The following ASAP1 variants were observed in gnomAD, a reference collection of about 807,000 sequenced individuals.
ASAP1 encodes ArfGAP with SH3 domain, ankyrin repeat and PH domain 1, also known as arf-GAP with SH3 domain, ANK repeat and PH domain-containing protein 1.
A neutral mutation model predicts 145.2 loss-of-function variants in ASAP1; 43 were observed. The ratio of observed to expected loss-of-function variants is 0.30; its 90% CI spans 0.23 to 0.38. The LOEUF (loss-of-function observed/expected upper bound fraction) is 0.38. ASAP1 is among the 10% of genes least tolerant of loss of function. The pLI is 1.00. For synonymous variants in ASAP1, 546 were observed against 515.5 expected, an observed-to-expected ratio of 1.06 and a Z score of -0.80; for missense variants, 1,018 against 1,355.3, an observed-to-expected ratio of 0.75 and a Z score of 3.91.
At chr8:130,380,884 C>CTTTA (rs1041062313) in intron 2 of ASAP1, among the ~76,000 whole-genome samples, 4 of 151,822 alleles carry the variant, frequency 2.6e-5, no homozygotes, top group Admixed American at 6.6e-5. Flanking sequence ...CACCTGGCTA[C>CTTTA]TTTATTTATT....
chr8:130,411,612 A>G (rs1370067256), intron 1 of ASAP1, among the ~76,000 whole-genome samples: 1 of 152,220 alleles, frequency 6.6e-6, no homozygotes, highest in African/African-American at 2.4e-5. Context: ...ACCCTAAGAC[A>G]GGGATGATGA....
At chr8:130,274,701 G>A (rs1376280747) in intron 3 of ASAP1, among the ~76,000 whole-genome samples, 2 of 152,160 alleles carry the variant, frequency 1.3e-5, no homozygotes, top group East Asian at 1.9e-4. Context: ...TTGGAAGCAC[G>A]GACTTCTTTT....
At chr8:130,442,064 C>A (rs774508298) in intron 1 of ASAP1, among the ~76,000 whole-genome samples, 2 of 152,206 alleles carry the variant, frequency 1.3e-5, no homozygotes, top group Non-Finnish European at 2.9e-5. Flanking sequence ...TCCAAATCCA[C>A]TTAGTGGCGT....
intron 3 of ASAP1, among the ~76,000 whole-genome samples, chr8:130,340,492 G>A (rs972938431): frequency 6.6e-6 from 1 of 152,210 alleles, no homozygotes; most frequent in Non-Finnish European, 1.5e-5. Flanking sequence ...AAGGGCAGAA[G>A]CAGATATTAA....
At chr8:130,338,711 CTGGTTT>C (rs1367455747) in intron 3 of ASAP1, among the ~76,000 whole-genome samples, 1 of 152,184 alleles carries the variant, frequency 6.6e-6, no homozygotes, top group African/African-American at 2.4e-5. Context: ...ATCTGTGGGC[CTGGTTT>C]CCTCAGCTGA....
chr8:130,220,004 G>A (rs934231280), intron 4 of ASAP1, among the ~76,000 whole-genome samples: 10 of 152,208 alleles, frequency 6.6e-5, no homozygotes, highest in African/African-American at 1.4e-4. Flanking sequence ...GCCCAGGCTC[G>A]TCTCCAACTC....
At chr8:130,429,475 G>A (rs1830062461) in intron 1 of ASAP1, among the ~76,000 whole-genome samples, 1 of 152,164 alleles carries the variant, frequency 6.6e-6, no homozygotes, top group African/African-American at 2.4e-5. Context: ...AAGGCTCAAA[G>A]AGGTTTGAAA....
At chr8:130,101,350 G>A (rs368999901) in intron 24 of ASAP1, among the ~76,000 whole-genome samples, 3 of 152,032 alleles carry the variant, frequency 2.0e-5, no homozygotes, top group East Asian at 1.9e-4. Context: ...AGATTGCATC[G>A]AATCTGTAGA....
At chr8:130,428,968 CAGAG>C (rs1830046399) in intron 1 of ASAP1, among the ~76,000 whole-genome samples, 1 of 152,214 alleles carries the variant, frequency 6.6e-6, no homozygotes, top group South Asian at 2.1e-4. Context: ...CGGTTCTTCT[CAGAG>C]AGAATCCTTC....
Position 130,241,080 on chromosome 8 carries a change from G to C in ASAP1, c.187-4086C>G, listed in dbSNP as rs553842214. Reference sequence around the variant, plus strand: ...TCAGTCACAGCAGAGTGTAAGAGCAGATGTTCTCAGAGACGCGTATGAATC... The same window carrying C: ...TCAGTCACAGCAGAGTGTAAGAGCACATGTTCTCAGAGACGCGTATGAATC... On this transcript the variant is annotated intron_variant, in intron 3 of 29. Transcript: ENST00000518721. 5.9e-5 allele frequency among the ~76,000 whole-genome samples: 9 copies of C among 152,256 alleles called. No homozygotes were observed. The South Asian group carries it at 1.9e-3, about 32-fold the overall frequency.
intron 2 of ASAP1, among the ~76,000 whole-genome samples, chr8:130,385,847 G>A (rs1027529954): frequency 2.6e-5 from 4 of 152,160 alleles, no homozygotes; most frequent in African/African-American, 9.7e-5. Context: ...TACTCCTGCC[G>A]GTGAATGCAT....
intron 1 of ASAP1, among the ~76,000 whole-genome samples, chr8:130,418,165 CAAAG>C (rs1466663012): frequency 6.6e-6 from 1 of 152,228 alleles, no homozygotes; most frequent in Non-Finnish European, 1.5e-5. Flanking sequence ...TTAAATAAAA[CAAAG>C]AGAATAGGAG....
In ASAP1 at chr8:130,134,816, T is replaced by C. The variant is rs187151021; in HGVS notation, c.1169-472A>G. On this transcript the variant is annotated intron_variant, in intron 14 of 29. Transcript: ENST00000518721. ...ATTTTCTGTTTCATTTTCAATTCAATTGTTACTGTGTTTTCTTTTTTTTTA... is the reference window on the plus strand; with the variant it reads ...ATTTTCTGTTTCATTTTCAATTCAACTGTTACTGTGTTTTCTTTTTTTTTA... 4.1e-3 allele frequency among the ~76,000 whole-genome samples: 623 copies of C among 152,344 alleles called. 10 individuals carry two copies. The highest frequency in any genetic ancestry group is 0.028 in the Admixed American group (431 of 15,306).
At chr8:130,072,822 T>TGTGTGTGTGTGTGTGTGTGCGCGTGTGC (rs1554816353) in intron 27 of ASAP1, among the ~76,000 whole-genome samples, 125 of 25,992 alleles carry the variant, frequency 4.8e-3, no homozygotes, top group South Asian at 0.021. Context: ...TGTGTGTGTG[T>TGTGTGTGTGTGTGTGTGTGCGCGTGTGC]GTGCGCGCGG....
chr8:130,121,115 T>C (rs544748183), intron 18 of ASAP1, among the ~76,000 whole-genome samples: 5 of 152,288 alleles, frequency 3.3e-5, no homozygotes, highest in East Asian at 1.9e-4. Flanking sequence ...TCAAAATACA[T>C]TGGGAAGTCA....
chr8:130,403,301 T>TA (rs1554905614), intron 1 of ASAP1, among the ~76,000 whole-genome samples: 5 of 151,096 alleles, frequency 3.3e-5, no homozygotes, highest in Admixed American at 1.3e-4. Context: ...TGTTTTTTTT[T>TA]AAAAAACCCA....
At chr8:130,072,824 T>TGTGTGTGTGTGTGTGTGC in intron 27 of ASAP1, among the ~76,000 whole-genome samples, 2 of 32,278 alleles carry the variant, frequency 6.2e-5, no homozygotes, top group African/African-American at 1.2e-4. Flanking sequence ...TGTGTGTGTG[T>TGTGTGTGTGTGTGTGTGC]GCGCGCGGGG....
chr8:130,066,420 A>G (rs1360776215), intron 27 of ASAP1, among the ~76,000 whole-genome samples: 1 of 152,154 alleles, frequency 6.6e-6, no homozygotes, highest in Non-Finnish European at 1.5e-5. Flanking sequence ...TTCATTGCCC[A>G]GGCTGGTCTT....
At position 130,330,426 on chromosome 8, in the gene ASAP1, C is replaced by A. The variant is rs79953081; in HGVS notation, c.186+27591G>T. On this transcript the variant is annotated intron_variant, in intron 3 of 29. Coordinates refer to ENST00000518721, the MANE Select transcript of ASAP1 (RefSeq NM_018482.4). Reference sequence around the variant, plus strand: ...CAATCTGAATTATCACAGCTCTGACCGGTCTATGCTATATTGCAGCTAACC... The same window carrying A: ...CAATCTGAATTATCACAGCTCTGACAGGTCTATGCTATATTGCAGCTAACC... Among the ~76,000 whole-genome samples the A allele has an allele frequency of 3.1e-3, 469 of 152,340 alleles. 2 individuals are homozygous for A. The highest frequency in any genetic ancestry group is 0.011 in the African/African-American group (457 of 41,566).
Sources: gnomAD v4.1 joint callset for allele counts (sites outside exome capture counted in the v4.1 genomes callset) on GRCh38, gnomAD v4.1.1 for gene constraint, MANE v1.5 for transcripts, NCBI Gene and HGNC (gene_info 2026-07-23, HGNC 2026-07-21) for gene names.